Variants in MTAP observed in about 807,000 individuals in gnomAD.
MTAP encodes S-methyl-5'-thioadenosine phosphorylase.
MTAP carries 33 observed loss-of-function variants against 33.6 expected under a neutral mutation model. The observed-to-expected ratio is 0.98, with a 90% CI of 0.74 to 1.31. MTAP has a LOEUF of 1.31. Ranked by LOEUF, MTAP falls within the 40% of genes most tolerant of loss-of-function variation. The pLI is 0.00. For synonymous variants in MTAP, 148 were observed against 125.7 expected, an observed-to-expected ratio of 1.18 and a Z score of -1.19; for missense variants, 367 against 360.0, an observed-to-expected ratio of 1.02 and a Z score of -0.16.
chr9:21,834,136 A>G (rs949615657), intron 4 of MTAP, among the ~76,000 whole-genome samples: 2 of 152,238 alleles, frequency 1.3e-5, no homozygotes, highest in Non-Finnish European at 2.9e-5. Flanking sequence ...GTTTAGAAGC[A>G]TATTTTCCAT....
At chr9:21,878,193 T>C (rs575079716) in intron 1 of MTAP, among the ~76,000 whole-genome samples, 67 of 152,218 alleles carry the variant, frequency 4.4e-4, no homozygotes, top group Admixed American at 2.8e-3. Context: ...TGTGGGGTCA[T>C]TGGTAATGTC....
chr9:21,868,878 A>G (rs1392025132), downstream of MTAP, among the ~76,000 whole-genome samples: 1 of 152,136 alleles, frequency 6.6e-6, no homozygotes, highest in Non-Finnish European at 1.5e-5. Flanking sequence ...ACCACCCCAG[A>G]GTTTCCGATT....
At chr9:21,912,291 C>A (rs914837995) in intron 1 of MTAP, among the ~76,000 whole-genome samples, 9 of 152,186 alleles carry the variant, frequency 5.9e-5, no homozygotes, top group African/African-American at 2.2e-4. Context: ...ATGAGGCCAG[C>A]ATCATCCTGA....
At chr9:21,911,456 G>C (rs1818574888) in intron 1 of MTAP, among the ~76,000 whole-genome samples, 1 of 152,106 alleles carries the variant, frequency 6.6e-6, no homozygotes, top group African/African-American at 2.4e-5. Flanking sequence ...AATCAAACTA[G>C]AACTCAGGAT....
chr9:21,802,706 G>C lies in MTAP; in HGVS notation c.-43G>C, dbSNP rs779247686. The C allele has an allele frequency of 6.2e-7, 1 of 1,602,556 alleles. No individual in the cohort carries two copies. Among genetic ancestry groups the C allele is most frequent in the Non-Finnish European group, 8.5e-7 (1 of 1,175,826 alleles). On this transcript the variant is annotated 5_prime_UTR_variant, in exon 1 of 8. Transcript: ENST00000644715. ...CTCTGTGGCTCGCTTGGTTCCCTTA[G>C]TCCCGAGCGCTCGCCCACTGCAGAT...
chr9:21,802,715 G>A lies in MTAP; in HGVS notation c.-34G>A. 1.2e-6 allele frequency: 2 copies of A among 1,609,168 alleles called. No individual in the cohort carries two copies. The highest frequency in any genetic ancestry group is 1.7e-6 in the Non-Finnish European group (2 of 1,178,436). On this transcript the variant is annotated 5_prime_UTR_variant, in exon 1 of 8. Coordinates refer to ENST00000644715, the MANE Select transcript of MTAP (RefSeq NM_002451.4). Reference sequence around the variant, plus strand: ...TCGCTTGGTTCCCTTAGTCCCGAGCGCTCGCCCACTGCAGATTCCTTTCCC... The same window carrying A: ...TCGCTTGGTTCCCTTAGTCCCGAGCACTCGCCCACTGCAGATTCCTTTCCC...
rs1380676262 is a variant in MTAP, at chr9:21,878,533, TG to T, written c.147+23664del. 1.2e-4 allele frequency among the ~76,000 whole-genome samples: 19 copies of T among 152,288 alleles called. No homozygotes were observed. The South Asian group carries it at 3.9e-3, about 32-fold the overall frequency. On this transcript the variant is annotated intron_variant, in intron 1 of 1. Coordinates refer to the MTAP transcript ENST00000577563. ...CCAGGTTATGAGACTGGCTAATTTT[TG>T]TATTTTGGGTAGAGGCAGGGATTCA...
intron 1 of MTAP, among the ~76,000 whole-genome samples, chr9:21,913,091 C>T (rs1326595478): frequency 1.3e-5 from 2 of 152,146 alleles, no homozygotes; most frequent in Non-Finnish European, 2.9e-5. Context: ...AGGACCTCTT[C>T]AAGGAGAACT....
chr9:21,924,009 TA>T (rs1818828597), intron 1 of MTAP, among the ~76,000 whole-genome samples: 1 of 152,168 alleles, frequency 6.6e-6, no homozygotes, highest in Non-Finnish European at 1.5e-5. Context: ...AAGGCAAGCT[TA>T]GGGGTACCTG....
chr9:21,903,946 G>A (rs1309509349), intron 1 of MTAP, among the ~76,000 whole-genome samples: 1 of 152,178 alleles, frequency 6.6e-6, no homozygotes, highest in Admixed American at 6.5e-5. Flanking sequence ...TGTATCCCGG[G>A]TTCTTGCCTT....
In MTAP at chr9:21,862,068, G is replaced by T; in HGVS notation, c.*54G>T. ...GACATTCTAATTCCAGTCATTTTGG[G>T]AATTCCTGCTTAACTTGAAAAAAAT... On this transcript the variant is annotated 3_prime_UTR_variant, in exon 8 of 8. Transcript: ENST00000644715. 6.2e-7 allele frequency: 1 copy of T among 1,608,682 alleles called. No homozygotes were observed. The highest frequency in any genetic ancestry group is 8.5e-7 in the Non-Finnish European group (1 of 1,178,344).
intron 4 of MTAP, among the ~76,000 whole-genome samples, chr9:21,822,123 A>G (rs1228342383): frequency 6.7e-6 from 1 of 149,468 alleles, no homozygotes; most frequent in Non-Finnish European, 1.5e-5. Context: ...TTGTGTCTCT[A>G]TCTCCTTCAG....
At chr9:21,819,642 T>C (rs186986136) in intron 4 of MTAP, among the ~76,000 whole-genome samples, 2 of 152,338 alleles carry the variant, frequency 1.3e-5, no homozygotes, top group African/African-American at 4.8e-5. Context: ...TTATAATCCT[T>C]TGGGTATATA....
At chr9:21,877,094 C>T (rs1728477268) in intron 1 of MTAP, among the ~76,000 whole-genome samples, 1 of 151,974 alleles carries the variant, frequency 6.6e-6, no homozygotes, top group African/African-American at 2.4e-5. Context: ...TACCTGTATT[C>T]CTAGGTATTT....
chr9:21,845,751 A>G (rs1162805962), intron 5 of MTAP, among the ~76,000 whole-genome samples: 1 of 151,902 alleles, frequency 6.6e-6, no homozygotes, highest in Non-Finnish European at 1.5e-5. Context: ...TCACAGAAAT[A>G]TAAAAAAAAA....
At position 21,862,863 on chromosome 9, in the gene MTAP, ATCTT is replaced by A. The variant is rs1163650803; in HGVS notation, c.*853_*856del. ...CTGGGATAATTTTTATTTTCTTTGAATCTTTCTGTGTCTTCACATTTTTCTACAG... is the reference window on the plus strand; with the variant it reads ...CTGGGATAATTTTTATTTTCTTTGAATCTGTGTCTTCACATTTTTCTACAG... On this transcript the variant is annotated 3_prime_UTR_variant, in exon 8 of 8. Coordinates refer to ENST00000644715, the MANE Select transcript of MTAP (RefSeq NM_002451.4). 1 of 771,208 alleles carries A rather than the reference ATCTT, an allele frequency of 1.3e-6. No individual in the cohort carries two copies. Among genetic ancestry groups the A allele is most frequent in the Non-Finnish European group, 1.6e-6 (1 of 636,140 alleles). The allele number at this position is 771,208 out of a possible 1,614,324, so 47.8% of individuals were successfully genotyped here.
At chr9:21,935,745 G>A (rs1563876384), downstream of MTAP, 1 of 152,094 alleles carries the variant, frequency 6.6e-6, no homozygotes, top group Non-Finnish European at 1.5e-5. Context: ...GGAAGACTTA[G>A]TTTTAGTTAG....
At chr9:21,901,873 C>G (rs1369344500) in intron 1 of MTAP, among the ~76,000 whole-genome samples, 4 of 152,170 alleles carry the variant, frequency 2.6e-5, no homozygotes, top group African/African-American at 7.2e-5. Flanking sequence ...AGAGATTACT[C>G]TGTGTGCTAT....
At chr9:21,804,187 G>A (rs958698235) in intron 1 of MTAP, among the ~76,000 whole-genome samples, 1 of 152,192 alleles carries the variant, frequency 6.6e-6, no homozygotes, top group South Asian at 2.1e-4. Flanking sequence ...AGCTTATTAA[G>A]TGGTAGTGCT....
Sources: allele counts gnomAD v4.1 joint callset (sites outside exome capture counted in the v4.1 genomes callset), GRCh38; gene constraint gnomAD v4.1.1; transcripts MANE v1.5; gene names NCBI Gene and HGNC (gene_info 2026-07-23, HGNC 2026-07-21).